The following FHIT variants were observed in gnomAD, a reference collection of about 807,000 sequenced individuals.
FHIT encodes bis(5'-adenosyl)-triphosphatase.
In FHIT, 19 loss-of-function variants were observed where a neutral mutation model predicts 17.9. The observed-to-expected ratio is 1.06, with a 90% CI of 0.74 to 1.56. FHIT has a LOEUF of 1.56. FHIT is among the 40% of genes most tolerant of loss of function. The probability of loss-of-function intolerance (pLI) is 0.00; values close to 1 mark genes in which losing one functional copy is unlikely to be tolerated. For missense variants in FHIT, 248 were observed against 189.2 expected (o/e 1.31, Z -1.82); for synonymous variants, 81 against 69.7 (o/e 1.16, Z -0.81).
chr3:60,726,156 G>T (rs2041912745), intron 4 of FHIT, among the ~76,000 whole-genome samples: 1 of 152,072 alleles, frequency 6.6e-6, no homozygotes, highest in Admixed American at 6.5e-5. Flanking sequence ...ACAAAGGATT[G>T]GTCTCCCCTT....
intron 8 of FHIT, among the ~76,000 whole-genome samples, chr3:59,918,469 T>A (rs1705243438): frequency 6.6e-6 from 1 of 151,974 alleles, no homozygotes; most frequent in Non-Finnish European, 1.5e-5. Flanking sequence ...AAGGACCCTT[T>A]GAGGAGGTTC....
rs141475058 is a variant in FHIT at position 60,337,340 on chromosome 3, C to A, written c.103+199520G>T. Among the ~76,000 whole-genome samples, 69 of 152,050 alleles carry A rather than the reference C, an allele frequency of 4.5e-4. 1 individual carries two copies. The highest frequency in any genetic ancestry group is 1.6e-3 in the African/African-American group (65 of 41,474). ...AAGCCTGCTTCTGGAATCTGAAAAA[C>A]TCGGTTTCGTGGCTTTACTACTTTC... On this transcript the variant is annotated intron_variant, in intron 5 of 9. Transcript: ENST00000492590.
At chr3:61,107,138 G>A (rs565163602) in intron 2 of FHIT, among the ~76,000 whole-genome samples, 22 of 152,068 alleles carry the variant, frequency 1.4e-4, no homozygotes, top group African/African-American at 3.4e-4. Flanking sequence ...CCCACCCTCC[G>A]CGCCAACTCC....
rs1708656021 is a variant in FHIT, at chr3:59,981,558, A to G, written c.279+29813T>C. ...TCCCACAGTGGCAGTGCCTGGCCAC[A>G]TTACCGAACCTATAGATAACATCAC... On this transcript the variant is annotated intron_variant, in intron 7 of 9. Coordinates refer to ENST00000492590, the MANE Select transcript of FHIT (RefSeq NM_002012.4). Among the ~76,000 whole-genome samples, 4 of 152,284 alleles carry G rather than the reference A, an allele frequency of 2.6e-5. No homozygotes were observed. The South Asian group carries it at 8.3e-4, about 32-fold the overall frequency.
intron 2 of FHIT, among the ~76,000 whole-genome samples, chr3:61,087,531 G>C (rs2035343369): frequency 6.6e-6 from 1 of 152,056 alleles, no homozygotes; most frequent in South Asian, 2.1e-4. Context: ...ATGTTATTTT[G>C]TATGCAAAGT....
chr3:60,136,723 G>C (rs929728660), intron 5 of FHIT, among the ~76,000 whole-genome samples: 4 of 152,130 alleles, frequency 2.6e-5, no homozygotes, highest in East Asian at 1.9e-4. Context: ...ACCGCACATT[G>C]CATCAGCCCA....
At chr3:60,954,052 T>G (rs1480583831) in intron 3 of FHIT, among the ~76,000 whole-genome samples, 1 of 152,106 alleles carries the variant, frequency 6.6e-6, no homozygotes, top group Non-Finnish European at 1.5e-5. Flanking sequence ...TCCTGCAGAG[T>G]CCAGTACATT....
chr3:60,132,573 A>T (rs895187106), intron 5 of FHIT, among the ~76,000 whole-genome samples: 5 of 152,218 alleles, frequency 3.3e-5, no homozygotes, highest in African/African-American at 1.2e-4. Context: ...GTTGGAAGAT[A>T]CTTTTAGAAT....
At chr3:59,917,425 T>C (rs1026232167) in intron 8 of FHIT, among the ~76,000 whole-genome samples, 3 of 152,220 alleles carry the variant, frequency 2.0e-5, no homozygotes, top group Non-Finnish European at 4.4e-5. Flanking sequence ...ACTGAGTTAA[T>C]GAAATGATAT....
chr3:60,237,691 G>C (rs897335189), intron 5 of FHIT, among the ~76,000 whole-genome samples: 1 of 152,122 alleles, frequency 6.6e-6, no homozygotes, highest in African/African-American at 2.4e-5. Flanking sequence ...CATTCGGTTT[G>C]CAGTTTTCCA....
chr3:61,222,466 G>A (rs2039865295), intron 1 of FHIT, among the ~76,000 whole-genome samples: 1 of 152,152 alleles, frequency 6.6e-6, no homozygotes, highest in African/African-American at 2.4e-5. Flanking sequence ...AGTCAGCTCT[G>A]AGGTCTGGGC....
chr3:60,449,427 TAC>T (rs140706888), intron 5 of FHIT, among the ~76,000 whole-genome samples: 140 of 149,398 alleles, frequency 9.4e-4, no homozygotes, highest in East Asian at 1.4e-3. Flanking sequence ...CATATGCGCA[TAC>T]ACACACACAC....
chr3:60,596,659 C>A (rs2038280038), intron 4 of FHIT, among the ~76,000 whole-genome samples: 1 of 152,126 alleles, frequency 6.6e-6, no homozygotes, highest in African/African-American at 2.4e-5. Context: ...GGACTGTAAG[C>A]TCCTTGTGGG....
At chr3:60,244,143 T>G (rs1705272600) in intron 5 of FHIT, among the ~76,000 whole-genome samples, 1 of 152,094 alleles carries the variant, frequency 6.6e-6, no homozygotes, top group African/African-American at 2.4e-5. Context: ...GCAGTTTAGG[T>G]GTAGTGATAA....
rs782637479 is a variant in FHIT, at chr3:60,652,727, C to CAA, written c.-17-115750_-17-115749dup. On this transcript the variant is annotated intron_variant, in intron 4 of 9. Coordinates refer to ENST00000492590, the MANE Select transcript of FHIT (RefSeq NM_002012.4). ...TGGGCAAAAGAGAGAGACTCCATCT[C>CAA]AAAAAAAAAAAAAAAAAAAAAAAAA... Among the ~76,000 whole-genome samples, 470 of 58,492 alleles carry CAA rather than the reference C, an allele frequency of 8.0e-3. 3 individuals carry two copies. Among genetic ancestry groups the CAA allele is most frequent in the African/African-American group, 0.011 (169 of 16,038 alleles). 38.4% of individuals were successfully genotyped at this position (58,492 alleles called of 152,430 possible). A position where few individuals can be genotyped will look rare whatever the true frequency, so the allele number is the denominator to read the frequency against.
intron 3 of FHIT, among the ~76,000 whole-genome samples, chr3:60,835,878 G>T (rs551846051): frequency 3.3e-4 from 50 of 152,274 alleles, no homozygotes; most frequent in African/African-American, 1.2e-3. Flanking sequence ...GCCTCCCATC[G>T]TGTTGGGATG....
chr3:59,842,653 G>A (rs1027084507), intron 8 of FHIT, among the ~76,000 whole-genome samples: 2 of 152,130 alleles, frequency 1.3e-5, no homozygotes, highest in African/African-American at 4.8e-5. Context: ...CATTTCTCTA[G>A]TGATTAGTGA....
chr3:60,504,572 A>C (rs149723629), intron 5 of FHIT, among the ~76,000 whole-genome samples: 1 of 152,334 alleles, frequency 6.6e-6, no homozygotes, highest in Non-Finnish European at 1.5e-5. Context: ...TGAACTGCCA[A>C]ATACAATATA....
At chr3:60,024,428 A>T (rs931073913) in intron 5 of FHIT, among the ~76,000 whole-genome samples, 8 of 152,230 alleles carry the variant, frequency 5.3e-5, no homozygotes, top group African/African-American at 1.9e-4. Flanking sequence ...TTAGTGAAAG[A>T]TCACAAAGTT....
Sources: gnomAD v4.1 joint callset for allele counts (sites outside exome capture counted in the v4.1 genomes callset) on GRCh38, gnomAD v4.1.1 for gene constraint, MANE v1.5 for transcripts, NCBI Gene and HGNC (gene_info 2026-07-23, HGNC 2026-07-21) for gene names.